Variants in ROBO2 observed in about 807,000 individuals in gnomAD.
The protein encoded by ROBO2 is roundabout guidance receptor 2.
ROBO2 carries 53 observed loss-of-function variants against 160.8 expected under a neutral mutation model. The observed-to-expected ratio is 0.33, with a 90% CI of 0.26 to 0.41. The LOEUF is 0.41. ROBO2 is among the 10% of genes least tolerant of loss of function. The pLI, the probability that ROBO2 is intolerant of heterozygous loss-of-function variation, is 1.00. For missense variants in ROBO2, 1,577 were observed against 1,722.4 expected (o/e 0.92, Z 1.49); for synonymous variants, 664 against 611.7 (o/e 1.09, Z -1.26).
intron 24 of ROBO2, among the ~76,000 whole-genome samples, chr3:77,638,361 A>G (rs2095297856): frequency 6.6e-6 from 1 of 152,190 alleles, no homozygotes; most frequent in African/African-American, 2.4e-5. Context: ...AGGCCTTTTT[A>G]GCACTGGGAT....
At chr3:76,818,867 G>A (rs987200919) in intron 2 of ROBO2, among the ~76,000 whole-genome samples, 1 of 152,016 alleles carries the variant, frequency 6.6e-6, no homozygotes, top group Non-Finnish European at 1.5e-5. Flanking sequence ...TGGCCTTACA[G>A]TATTGTTTGA....
intron 2 of ROBO2, among the ~76,000 whole-genome samples, chr3:77,160,188 A>C (rs1425121913): frequency 6.6e-6 from 1 of 152,172 alleles, no homozygotes; most frequent in Non-Finnish European, 1.5e-5. Flanking sequence ...ACGATTTTCA[A>C]TGTAATTTTT....
Position 77,228,645 on chromosome 3 carries a change from C to T in ROBO2, c.388+130305C>T, listed in dbSNP as rs62253278. 4.0e-5 allele frequency among the ~76,000 whole-genome samples: 6 copies of T among 151,738 alleles called. No homozygotes were observed. In the South Asian group the frequency reaches 8.3e-4, roughly 21 times the overall value. On this transcript the variant is annotated intron_variant, in intron 2 of 25. Transcript: ENST00000461745. The stretch of plus-strand genomic sequence containing the variant: ...GGAGAAATACCTAATGTAGATGACC[C>T]GTTGATGGGTGCAGCAAACCAACAT...
intron 2 of ROBO2, among the ~76,000 whole-genome samples, chr3:76,337,446 C>T (rs2073964172): frequency 6.6e-6 from 1 of 152,132 alleles, no homozygotes. Flanking sequence ...TCAGTGCTGA[C>T]AGAAAATTTA....
intron 2 of ROBO2, among the ~76,000 whole-genome samples, chr3:76,088,001 A>G (rs2069085542): frequency 6.6e-6 from 1 of 152,112 alleles, no homozygotes; most frequent in South Asian, 2.1e-4. Context: ...CTAAAGACTC[A>G]TAGATTAAAA....
chr3:76,268,183 T>C (rs1207770524), intron 2 of ROBO2, among the ~76,000 whole-genome samples: 3 of 151,828 alleles, frequency 2.0e-5, no homozygotes, highest in Non-Finnish European at 4.4e-5. Flanking sequence ...GGTGGGAGGA[T>C]CACTTGATTC....
chr3:77,613,500 G>T (rs1236364897), intron 21 of ROBO2, among the ~76,000 whole-genome samples: 1 of 152,046 alleles, frequency 6.6e-6, no homozygotes, highest in Non-Finnish European at 1.5e-5. Context: ...TAGTTATGAA[G>T]CAGAACAGCA....
exon 23 of ROBO2, chr3:77,622,319 T>C: frequency 6.2e-7 from 1 of 1,614,184 alleles, no homozygotes; most frequent in Non-Finnish European, 8.5e-7. Flanking sequence ...GAAACGGATG[T>C]TGCAGATGAT....
intron 2 of ROBO2, among the ~76,000 whole-genome samples, chr3:76,852,964 G>A (rs998523721): frequency 1.3e-5 from 2 of 152,096 alleles, no homozygotes; most frequent in Admixed American, 6.5e-5. Flanking sequence ...TTAAGGGATT[G>A]TGTACATTCA....
At chr3:77,013,816 A>G (rs1466407342) in intron 2 of ROBO2, among the ~76,000 whole-genome samples, 5 of 152,248 alleles carry the variant, frequency 3.3e-5, no homozygotes, top group Admixed American at 6.5e-5. Context: ...GTAACCTACA[A>G]CAGTTCCTAT....
intron 2 of ROBO2, among the ~76,000 whole-genome samples, chr3:76,732,729 G>C (rs966607174): frequency 6.6e-6 from 1 of 152,184 alleles, no homozygotes; most frequent in Non-Finnish European, 1.5e-5. Flanking sequence ...GGACTGACAT[G>C]AAATGATTGT....
At chr3:77,428,939 T>C (rs956578290) in intron 2 of ROBO2, among the ~76,000 whole-genome samples, 1 of 152,180 alleles carries the variant, frequency 6.6e-6, no homozygotes, top group Non-Finnish European at 1.5e-5. Flanking sequence ...AAAAGTTTAT[T>C]GAAGAGAAAG....
intron 2 of ROBO2, among the ~76,000 whole-genome samples, chr3:76,114,937 A>G (rs2108257978): frequency 6.6e-6 from 1 of 152,246 alleles, no homozygotes; most frequent in Admixed American, 6.6e-5. Flanking sequence ...ATTGCTCTTG[A>G]ATGGGCATTT....
At chr3:76,064,701 G>A (rs2068192426) in intron 2 of ROBO2, among the ~76,000 whole-genome samples, 3 of 151,708 alleles carry the variant, frequency 2.0e-5, no homozygotes, top group South Asian at 4.2e-4. Context: ...AAAAATTGGG[G>A]GCCTGAAAAA....
chr3:76,475,721 A>G (rs1366995819), intron 2 of ROBO2, among the ~76,000 whole-genome samples: 1 of 152,184 alleles, frequency 6.6e-6, no homozygotes, highest in Non-Finnish European at 1.5e-5. Flanking sequence ...AAGTAACCTA[A>G]ATGAGAAAAT....
chr3:77,014,918 T>C (rs2062145023), intron 2 of ROBO2, among the ~76,000 whole-genome samples: 1 of 152,204 alleles, frequency 6.6e-6, no homozygotes, highest in African/African-American at 2.4e-5. Flanking sequence ...GTATCATGTT[T>C]CTATTCTTTA....
chr3:76,986,523 C>T (rs979136596), intron 2 of ROBO2, among the ~76,000 whole-genome samples: 4 of 152,064 alleles, frequency 2.6e-5, no homozygotes, highest in Middle Eastern at 3.4e-3. Flanking sequence ...AATTAAAGTT[C>T]TTGACTTTCA....
intron 2 of ROBO2, among the ~76,000 whole-genome samples, chr3:76,799,360 A>G (rs909914651): frequency 1.3e-5 from 2 of 152,220 alleles, no homozygotes; most frequent in African/African-American, 4.8e-5. Flanking sequence ...TTCAAATAGT[A>G]CTGGAAGTTC....
rs1307446270 is a variant in ROBO2 at position 77,131,403 on chromosome 3, C to T, written c.388+33063C>T. ...TAAGTCTGTTCTCTCCAGATTTACT[C>T]ATATCTAGCATGTTTTTCATACAGA... On this transcript the variant is annotated intron_variant, in intron 2 of 25. Coordinates refer to ENST00000461745, the Ensembl canonical transcript of ROBO2. Among the ~76,000 whole-genome samples the T allele has an allele frequency of 3.3e-5, 5 of 152,160 alleles. No homozygotes were observed. In the South Asian group the frequency reaches 8.3e-4, roughly 25 times the overall value.
Sources: gnomAD v4.1 joint callset for allele counts (sites outside exome capture counted in the v4.1 genomes callset) on GRCh38, gnomAD v4.1.1 for gene constraint, MANE v1.5 for transcripts, NCBI Gene and HGNC (gene_info 2026-07-23, HGNC 2026-07-21) for gene names.